The following ADAMTS16 variants were observed in gnomAD, a reference collection of about 807,000 sequenced individuals.
ADAMTS16 encodes ADAM metallopeptidase with thrombospondin type 1 motif 16.
Under a neutral mutation model 145.8 loss-of-function variants are expected in ADAMTS16, and 94 were observed. That is an observed-to-expected ratio of 0.64 (90% CI 0.55 to 0.77). ADAMTS16 has a LOEUF of 0.77. Ranked by LOEUF, ADAMTS16 falls within the 30% of genes least tolerant of loss-of-function variation. The probability of loss-of-function intolerance (pLI) is 0.00; values close to 1 mark genes in which losing one functional copy is unlikely to be tolerated. For missense variants in ADAMTS16, 1,585 were observed against 1,591.5 expected (o/e 1.00, Z 0.07); for synonymous variants, 659 against 604.3 (o/e 1.09, Z -1.33).
At chr5:5,195,214 A>G (rs1387082477) in intron 8 of ADAMTS16, among the ~76,000 whole-genome samples, 2 of 152,208 alleles carry the variant, frequency 1.3e-5, no homozygotes, top group African/African-American at 4.8e-5. Flanking sequence ...TTGAATCAGG[A>G]TTTGTATTAA....
chr5:5,274,622 T>C (rs551863448), intron 18 of ADAMTS16, among the ~76,000 whole-genome samples: 20 of 152,270 alleles, frequency 1.3e-4, no homozygotes, highest in African/African-American at 4.8e-4. Flanking sequence ...TTGGTTGCTT[T>C]ACTTTTAGTA....
intron 20 of ADAMTS16, 113 bp from the exon 21 acceptor site, chr5:5,306,391 T>C: frequency 1.1e-6 from 1 of 921,614 alleles, no homozygotes; most frequent in Non-Finnish European, 1.7e-6. Flanking sequence ...TAATTTTCAC[T>C]GAATGTTCAC....
chr5:5,319,051 G>A lies in ADAMTS16; in HGVS notation c.3588G>A (p.Trp1196Ter), dbSNP rs574939020. ...KDAFCKDYFHWCYLVPQHGMC... is the reference protein window; with the variant it reads ...KDAFCKDYFH ...CCTTCTGCAAAGACTACTTCCACTG[G>A]TGCTACCTGGTACCCCAGCACGGGA... is the stretch of plus-strand genomic sequence containing the variant. Residue 1196 changes from tryptophan to a stop codon, truncating the protein, a stop_gained, in exon 23 of 23, where the codon TGG (tryptophan) becomes TGA (stop). Transcript: ENST00000274181. LOFTEE classifies it low-confidence loss of function (END_TRUNC). The A allele has an allele frequency of 1.2e-6, 2 of 1,613,294 alleles. No homozygotes were observed. Among genetic ancestry groups the A allele is most frequent in the East Asian group, 2.2e-5 (1 of 44,884 alleles).
intron 18 of ADAMTS16, among the ~76,000 whole-genome samples, chr5:5,288,383 G>T (rs917840407): frequency 1.3e-5 from 2 of 152,178 alleles, no homozygotes; most frequent in Non-Finnish European, 2.9e-5. Flanking sequence ...AGAATGCCAC[G>T]TAAAAGGCTC....
chr5:5,255,307 A>G (rs1041699318), intron 17 of ADAMTS16, among the ~76,000 whole-genome samples: 1 of 152,220 alleles, frequency 6.6e-6, no homozygotes, highest in African/African-American at 2.4e-5. Context: ...CACCAAGAAA[A>G]TAGAAACCTT....
At chr5:5,299,021 C>T (rs1216186619) in intron 18 of ADAMTS16, among the ~76,000 whole-genome samples, 1 of 152,018 alleles carries the variant, frequency 6.6e-6, no homozygotes, top group Non-Finnish European at 1.5e-5. Context: ...TGTTGCGTCT[C>T]ACGGCATCCA....
chr5:5,167,259 C>T (rs1734908905), intron 3 of ADAMTS16, among the ~76,000 whole-genome samples: 1 of 152,166 alleles, frequency 6.6e-6, no homozygotes, highest in Admixed American at 6.5e-5. Context: ...TGTCTCATAA[C>T]AGGCAGTTCA....
intron 17 of ADAMTS16, among the ~76,000 whole-genome samples, chr5:5,256,773 CAT>C (rs973322892): frequency 4.6e-5 from 7 of 152,254 alleles, no homozygotes; most frequent in Admixed American, 3.9e-4. Context: ...TTGAATTTCA[CAT>C]GTTTTTAATT....
In ADAMTS16 at chr5:5,140,433, C is replaced by T. The variant is rs1003959791; in HGVS notation, c.-35C>T. On this transcript the variant is annotated 5_prime_UTR_variant, in exon 1 of 23. Coordinates refer to ENST00000274181, the MANE Select transcript of ADAMTS16 (RefSeq NM_139056.4). ...GCTCGCACGCTGCCGGCCGGGGACC[C>T]TCCGGTGGCCCCTAGCCCCTCGGAG... 1.3e-6 allele frequency: 2 copies of T among 1,490,592 alleles called. No individual in the cohort carries two copies. The highest frequency in any genetic ancestry group is 1.5e-5 in the African/African-American group (1 of 68,428). 92.3% of individuals were successfully genotyped at this position (1,490,592 alleles called of 1,614,324 possible).
At chr5:5,181,170 C>A (rs928263292) in intron 3 of ADAMTS16, among the ~76,000 whole-genome samples, 2 of 152,072 alleles carry the variant, frequency 1.3e-5, no homozygotes, top group African/African-American at 4.8e-5. Context: ...CGAGAATTCC[C>A]AAAAGTTAAC....
chr5:5,279,479 C>T (rs10512778), intron 18 of ADAMTS16, among the ~76,000 whole-genome samples: 82,546 of 151,894 alleles, frequency 0.54, 23,090 homozygotes, highest in Admixed American at 0.64. Context: ...TGGTCTCTTA[C>T]GTGCTTTAAT....
chr5:5,222,277 G>C (rs1365094367), intron 10 of ADAMTS16, among the ~76,000 whole-genome samples: 1 of 152,152 alleles, frequency 6.6e-6, no homozygotes, highest in Non-Finnish European at 1.5e-5. Context: ...CATATTTTAA[G>C]CCTTAATCAC....
intron 18 of ADAMTS16, among the ~76,000 whole-genome samples, chr5:5,290,303 G>A (rs1192498320): frequency 2.6e-5 from 4 of 152,112 alleles, no homozygotes; most frequent in Non-Finnish European, 5.9e-5. Context: ...GTGGTCTCAC[G>A]ATCACAGTCC....
At chr5:5,168,720 T>A (rs1008956068) in intron 3 of ADAMTS16, among the ~76,000 whole-genome samples, 5 of 138,602 alleles carry the variant, frequency 3.6e-5, no homozygotes, top group East Asian at 2.0e-4. Context: ...AATTATAATT[T>A]TATAATTATA....
At chr5:5,220,491 G>GT (rs1342311267) in intron 10 of ADAMTS16, among the ~76,000 whole-genome samples, 3 of 152,032 alleles carry the variant, frequency 2.0e-5, no homozygotes, top group African/African-American at 7.2e-5. Context: ...ACTTTACCTT[G>GT]TATTATTTTG....
At chr5:5,241,956 T>C in intron 16 of ADAMTS16, 97 bp from the exon 17 acceptor site, 1 of 1,377,096 alleles carries the variant, frequency 7.3e-7, no homozygotes, top group Non-Finnish European at 1.0e-6. Flanking sequence ...AACTTCTTGT[T>C]GATTGATTAT....
intron 11 of ADAMTS16, among the ~76,000 whole-genome samples, chr5:5,228,643 A>T (rs1736834647): frequency 6.6e-6 from 1 of 152,166 alleles, no homozygotes; most frequent in African/African-American, 2.4e-5. Context: ...CTTTTTGTAT[A>T]AATGGATGAT....
At chr5:5,213,507 C>T (rs62338162) in intron 10 of ADAMTS16, among the ~76,000 whole-genome samples, 44,183 of 151,958 alleles carry the variant, frequency 0.29, 6,916 homozygotes, top group Non-Finnish European at 0.36. Flanking sequence ...TCTACTTTTC[C>T]TTGAATAGTA....
chr5:5,233,508 C>A (rs562075740), intron 12 of ADAMTS16, among the ~76,000 whole-genome samples: 2 of 152,174 alleles, frequency 1.3e-5, no homozygotes, highest in African/African-American at 4.8e-5. Context: ...CACCTTCCAA[C>A]AGGCCACAGT....
Sources: allele counts gnomAD v4.1 joint callset (sites outside exome capture counted in the v4.1 genomes callset), GRCh38; gene constraint gnomAD v4.1.1; transcripts MANE v1.5; gene names NCBI Gene and HGNC (gene_info 2026-07-23, HGNC 2026-07-21).